Variants in SEC14L1 observed in about 807,000 individuals in gnomAD.
SEC14L1 encodes the protein SEC14-like protein 1.
Under a neutral mutation model 85.3 loss-of-function variants are expected in SEC14L1, and 48 were observed. The ratio of observed to expected loss-of-function variants is 0.56; its 90% confidence interval spans 0.45 to 0.72. The LOEUF (loss-of-function observed/expected upper bound fraction) is 0.72, where lower values mean the gene tolerates loss of function less well. Among genes scored for constraint, SEC14L1 ranks in the 30% least tolerant of loss-of-function variants. SEC14L1 has a pLI of 0.00. For missense variants in SEC14L1, 682 were observed against 921.4 expected (o/e 0.74, Z 3.36); for synonymous variants, 391 against 355.5 (o/e 1.10, Z -1.12).
At chr17:77,124,210 G>A (rs1040865044) in intron 3 of SEC14L1, among the ~76,000 whole-genome samples, 4 of 152,088 alleles carry the variant, frequency 2.6e-5, no homozygotes, top group Non-Finnish European at 5.9e-5. Context: ...CAAAAAATAT[G>A]AAAAGTAGCC....
intron 3 of SEC14L1, among the ~76,000 whole-genome samples, chr17:77,112,990 ACT>A (rs1256415007): frequency 6.6e-6 from 1 of 151,632 alleles, no homozygotes; most frequent in Non-Finnish European, 1.5e-5. Context: ...GCAAAGCAAG[ACT>A]CTTTCTCTAC....
chr17:77,156,853 GA>G (rs956729716), intron 3 of SEC14L1, among the ~76,000 whole-genome samples: 4 of 152,148 alleles, frequency 2.6e-5, no homozygotes, highest in African/African-American at 9.7e-5. Flanking sequence ...CTAGTTGCCT[GA>G]AAAGCGTGTC....
At chr17:77,187,694 A>G (rs1271215972) in intron 3 of SEC14L1, among the ~76,000 whole-genome samples, 4 of 149,636 alleles carry the variant, frequency 2.7e-5, no homozygotes, top group Non-Finnish European at 3.0e-5. Context: ...TTATTACCCT[A>G]TATCCTATGA....
chr17:77,195,574 G>A (rs568725460), intron 7 of SEC14L1, among the ~76,000 whole-genome samples: 2 of 152,220 alleles, frequency 1.3e-5, no homozygotes, highest in Admixed American at 6.5e-5. Flanking sequence ...TGCAGCCTTC[G>A]TCTCCTGGGT....
In SEC14L1 at chr17:77,174,677, C is replaced by T. The variant is rs117873474; in HGVS notation, c.64-16126C>T. On this transcript the variant is annotated intron_variant, in intron 3 of 16. Transcript: ENST00000436233. ...CGAGGCAGTGGGACCTGTCTCCTCA[C>T]GAGTGAGGACTGGAGACCCTTCCCC... is the stretch of plus-strand genomic sequence containing the variant. Among the ~76,000 whole-genome samples, 721 of 152,258 alleles carry T rather than the reference C, an allele frequency of 4.7e-3. 4 individuals carry two copies. Among genetic ancestry groups the T allele is most frequent in the Non-Finnish European group, 8.0e-3 (547 of 68,020 alleles).
intron 3 of SEC14L1, among the ~76,000 whole-genome samples, chr17:77,185,755 G>A (rs1327054588): frequency 1.3e-5 from 2 of 152,112 alleles, no homozygotes; most frequent in African/African-American, 2.4e-5. Flanking sequence ...TTCAGTGTCC[G>A]TATAGAACAA....
At chr17:77,192,340 G>A (rs545446738) in intron 5 of SEC14L1, among the ~76,000 whole-genome samples, 1 of 152,252 alleles carries the variant, frequency 6.6e-6, no homozygotes, top group South Asian at 2.1e-4. Flanking sequence ...TGAATTCAAA[G>A]TGATCTATTT....
chr17:77,176,061 A>G (rs1469945230), intron 3 of SEC14L1, among the ~76,000 whole-genome samples: 1 of 152,182 alleles, frequency 6.6e-6, no homozygotes, highest in Non-Finnish European at 1.5e-5. Flanking sequence ...AGGCCAGGGT[A>G]GGTGGATCAC....
In SEC14L1 at chr17:77,108,107, A is replaced by G. The variant is rs73998613; in HGVS notation, c.-136+14760A>G. ...ATGCCCCCCCATACCATGCGCACGC[A>G]CACACACACGGACTTAGATTCTCCC... On this transcript the variant is annotated intron_variant, in intron 3 of 19. Coordinates refer to the SEC14L1 transcript ENST00000392476. Among the ~76,000 whole-genome samples, 998 of 150,734 alleles carry G rather than the reference A, an allele frequency of 6.6e-3. 15 individuals are homozygous for G. Among genetic ancestry groups the G allele is most frequent in the African/African-American group, 0.023 (964 of 41,082 alleles).
At chr17:77,186,616 GAA>G (rs1332354803) in intron 3 of SEC14L1, among the ~76,000 whole-genome samples, 1 of 152,254 alleles carries the variant, frequency 6.6e-6, no homozygotes, top group African/African-American at 2.4e-5. Flanking sequence ...GTTGTGGAGA[GAA>G]AGTGAGATAC....
At chr17:77,127,814 A>G (rs1972495653) in intron 3 of SEC14L1, 1 of 152,166 alleles carries the variant, frequency 6.6e-6, no homozygotes, top group Admixed American at 6.6e-5. Flanking sequence ...TCGTGGATTT[A>G]GGGTCTACGA....
At chr17:77,095,446 G>T (rs764630482) in intron 3 of SEC14L1, among the ~76,000 whole-genome samples, 1 of 152,186 alleles carries the variant, frequency 6.6e-6, no homozygotes, top group Non-Finnish European at 1.5e-5. Context: ...GTCTCTGCAT[G>T]AAGTGTCTGC....
chr17:77,107,807 T>C (rs142386858), intron 3 of SEC14L1, among the ~76,000 whole-genome samples: 2 of 152,340 alleles, frequency 1.3e-5, no homozygotes, highest in African/African-American at 4.8e-5. Flanking sequence ...TACTTGGAGC[T>C]TGCTGACACT....
At position 77,159,073 on chromosome 17, in the gene SEC14L1, TTTG is replaced by T. The variant is rs1973937327; in HGVS notation, c.63+15420_63+15422del. On this transcript the variant is annotated intron_variant, in intron 3 of 16. Transcript: ENST00000436233. ...CACCCAACTGTAGTATTTTTTTTGTTTTGTTGTTTCTGAAATAAACTTTCACTC... is the reference window on the plus strand; with the variant it reads ...CACCCAACTGTAGTATTTTTTTTGTTTTGTTTCTGAAATAAACTTTCACTC... Among the ~76,000 whole-genome samples the T allele has an allele frequency of 2.0e-5, 3 of 151,702 alleles. No homozygotes were observed. The South Asian group carries it at 6.3e-4, about 32-fold the overall frequency.
intron 8 of SEC14L1, 48 bp from the exon 9 acceptor site, chr17:77,200,436 C>T: frequency 6.6e-7 from 1 of 1,525,014 alleles, no homozygotes; most frequent in African/African-American, 1.4e-5. Context: ...CCCAAAGTTC[C>T]CTTCACAACT....
intron 3 of SEC14L1, among the ~76,000 whole-genome samples, chr17:77,183,942 C>T (rs546245410): frequency 9.9e-5 from 15 of 152,086 alleles, no homozygotes; most frequent in Non-Finnish European, 1.8e-4. Context: ...TGCGCCACCA[C>T]GCCCGGCTAA....
chr17:77,194,692 G>T lies in SEC14L1; in HGVS notation c.490G>T (p.Glu164Ter), dbSNP rs770192180. Residue 164 changes from glutamate to a stop codon, truncating the protein, a stop_gained, in exon 7 of 17, where the codon GAA becomes TAA. Coordinates refer to ENST00000436233, the MANE Select transcript of SEC14L1 (RefSeq NM_001143998.2). LOFTEE classifies it high-confidence loss of function. Reference protein sequence around the residue: ...SNIKKGKEIIEYYLRQLEEEG... With the variant: ...SNIKKGKEII ...TGTTTTAAAGGGAAAGGAAATCATC[G>T]AATACTACCTTCGCCAATTAGAAGA... The T allele has an allele frequency of 1.2e-6, 2 of 1,613,904 alleles. No individual in the cohort carries two copies. The highest frequency in any genetic ancestry group is 1.7e-5 in the Admixed American group (1 of 60,018).
At chr17:77,141,328 C>T (rs1973027242) in intron 1 of SEC14L1, 1 of 133,754 alleles carries the variant, frequency 7.5e-6, no homozygotes, top group South Asian at 2.5e-4. Context: ...CGCCGCCCCT[C>T]GCCCCCCTCC....
rs937186291 is a variant in SEC14L1, at chr17:77,151,085, T to C, written c.63+7426T>C. Reference sequence around the variant, plus strand: ...TCATTCATCAAGGTATTCTTAGATCTTCCAGCAGCCTAATGTGCAGTAGAA... The same window carrying C: ...TCATTCATCAAGGTATTCTTAGATCCTCCAGCAGCCTAATGTGCAGTAGAA... On this transcript the variant is annotated intron_variant, in intron 3 of 16. Coordinates refer to ENST00000436233, the MANE Select transcript of SEC14L1 (RefSeq NM_001143998.2). Among the ~76,000 whole-genome samples the C allele has an allele frequency of 2.0e-5, 3 of 152,228 alleles. 1 individual carries two copies. In the South Asian group the frequency reaches 6.2e-4, roughly 31 times the overall value.
Sources: gnomAD v4.1 joint callset for allele counts (sites outside exome capture counted in the v4.1 genomes callset) on GRCh38, gnomAD v4.1.1 for gene constraint, MANE v1.5 for transcripts, NCBI Gene and HGNC (gene_info 2026-07-23, HGNC 2026-07-21) for gene names.